Variants in EPB41L2 observed in about 807,000 individuals in gnomAD.
EPB41L2 encodes the protein erythrocyte membrane protein band 4.1 like 2, also known as band 4.1-like protein 2.
In EPB41L2, 43 loss-of-function variants were observed where a neutral mutation model predicts 113.0. The ratio of observed to expected loss-of-function variants is 0.38; its 90% CI spans 0.30 to 0.49. EPB41L2 has a LOEUF of 0.49. EPB41L2 is among the 20% of genes least tolerant of loss of function. The probability of loss-of-function intolerance (pLI) is 0.95; values close to 1 mark genes in which losing one functional copy is unlikely to be tolerated. For missense variants in EPB41L2, 1,147 were observed against 1,223.4 expected (o/e 0.94, Z 0.93); for synonymous variants, 442 against 436.7 (o/e 1.01, Z -0.15).
At chr6:130,970,758 T>C (rs1274295840) in intron 1 of EPB41L2, among the ~76,000 whole-genome samples, 1 of 152,194 alleles carries the variant, frequency 6.6e-6, no homozygotes, top group Non-Finnish European at 1.5e-5. Context: ...TAGTCCCCCT[T>C]ATCCTCGGGG....
At chr6:130,915,984 A>AC (rs1001902844) in intron 4 of EPB41L2, among the ~76,000 whole-genome samples, 8 of 152,174 alleles carry the variant, frequency 5.3e-5, no homozygotes, top group Non-Finnish European at 2.9e-5. Context: ...AGACTAATAT[A>AC]CATACCTATT....
chr6:130,854,145 T>C (rs191701102), intron 19 of EPB41L2, among the ~76,000 whole-genome samples: 3 of 152,190 alleles, frequency 2.0e-5, no homozygotes, highest in South Asian at 2.1e-4. Flanking sequence ...TATTTTGTTC[T>C]CTCATAGCAT....
At chr6:130,947,027 C>CCA (rs1554291474) in intron 3 of EPB41L2, among the ~76,000 whole-genome samples, 1 of 143,238 alleles carries the variant, frequency 7.0e-6, no homozygotes, top group Admixed American at 6.9e-5. Flanking sequence ...ACCCCCCCCC[C>CCA]AGCCCCTTAA....
chr6:130,981,111 A>G (rs1481196409), intron 1 of EPB41L2, among the ~76,000 whole-genome samples: 1 of 152,246 alleles, frequency 6.6e-6, no homozygotes, highest in African/African-American at 2.4e-5. Context: ...TAGCATTTAT[A>G]TAAACATATG....
chr6:130,913,779 G>A (rs1298581859), intron 4 of EPB41L2, among the ~76,000 whole-genome samples: 1 of 151,820 alleles, frequency 6.6e-6, no homozygotes, highest in Non-Finnish European at 1.5e-5. Context: ...CAGTTACAAA[G>A]AAATAACAAA....
At chr6:130,999,837 A>G (rs1783983645) in intron 1 of EPB41L2, among the ~76,000 whole-genome samples, 1 of 152,218 alleles carries the variant, frequency 6.6e-6, no homozygotes, top group Non-Finnish European at 1.5e-5. Flanking sequence ...TTTTAGACTG[A>G]GCTAACTGAC....
At chr6:131,032,442 G>A (rs957232138) in intron 1 of EPB41L2, among the ~76,000 whole-genome samples, 1 of 151,876 alleles carries the variant, frequency 6.6e-6, no homozygotes, top group Non-Finnish European at 1.5e-5. Context: ...TATCTCAGTG[G>A]GCCAAAGTAA....
intron 1 of EPB41L2, among the ~76,000 whole-genome samples, chr6:131,054,459 G>T (rs972083639): frequency 5.9e-5 from 9 of 152,124 alleles, no homozygotes; most frequent in Admixed American, 2.0e-4. Flanking sequence ...TACGGTCCCT[G>T]TTAGTTCCTC....
chr6:130,995,301 C>T (rs994190504), intron 1 of EPB41L2, among the ~76,000 whole-genome samples: 2 of 152,120 alleles, frequency 1.3e-5, no homozygotes, highest in Admixed American at 1.3e-4. Context: ...CACCACAGCA[C>T]TCCAGCCTGG....
chr6:130,980,726 T>C (rs1779216969), intron 1 of EPB41L2, among the ~76,000 whole-genome samples: 1 of 152,166 alleles, frequency 6.6e-6, no homozygotes, highest in Non-Finnish European at 1.5e-5. Context: ...AACGGGGCAG[T>C]TGTTTAAAAA....
chr6:130,884,406 G>A (rs1230615740), intron 12 of EPB41L2, among the ~76,000 whole-genome samples: 1 of 152,136 alleles, frequency 6.6e-6, no homozygotes, highest in Admixed American at 6.6e-5. Context: ...TTTTATCTGT[G>A]CTTACTTCCA....
In EPB41L2 at chr6:130,901,073, C is replaced by T; in HGVS notation, c.1037G>A (p.Gly346Asp). 1.2e-6 allele frequency: 2 copies of T among 1,614,116 alleles called. No homozygotes were observed. Among genetic ancestry groups the T allele is most frequent in the Non-Finnish European group, 1.7e-6 (2 of 1,180,014 alleles). The part of the protein sequence containing the change: ...LGSYTLQAEL[G>D]DYDPEEHGSI... ...GCCATGTTCTTCTGGGTCATAGTCA[C>T]CAAGTTCAGCCTGCAGGGTGTAGGA... The change falls in exon 7 of 20, where the codon GGT becomes GAT. Residue 346 changes from glycine (G) to aspartate (D), a missense_variant. By Grantham distance (94) the Gly-to-Asp change is moderately conservative (BLOSUM62 -1). Transcript: ENST00000337057.
At chr6:130,939,942 C>A (rs1163609555) in intron 3 of EPB41L2, among the ~76,000 whole-genome samples, 1 of 152,140 alleles carries the variant, frequency 6.6e-6, no homozygotes, top group African/African-American at 2.4e-5. Context: ...AGCTCTGTTC[C>A]CTACAAAATC....
intron 19 of EPB41L2, 48 bp downstream of exon 19, chr6:130,858,083 G>T: frequency 7.3e-7 from 1 of 1,373,498 alleles, no homozygotes; most frequent in Non-Finnish European, 1.0e-6. Context: ...AAGTTCAGGA[G>T]TACAGAGCAG....
chr6:130,960,995 A>G (rs1258250755), intron 1 of EPB41L2, among the ~76,000 whole-genome samples: 1 of 152,202 alleles, frequency 6.6e-6, no homozygotes, highest in Non-Finnish European at 1.5e-5. Context: ...TCAATCATCT[A>G]GTCTAATATC....
intron 1 of EPB41L2, among the ~76,000 whole-genome samples, chr6:131,056,794 G>A (rs1479845648): frequency 6.6e-6 from 1 of 152,196 alleles, no homozygotes; most frequent in Non-Finnish European, 1.5e-5. Flanking sequence ...AGGTCACAAT[G>A]GCATATGTGG....
rs373063956 is a variant in EPB41L2, at chr6:130,863,690, C to T, written c.2858G>A (p.Arg953Lys). 1 of 1,613,646 alleles carries T rather than the reference C, an allele frequency of 6.2e-7. No homozygotes were observed. The highest frequency in any genetic ancestry group is 8.5e-7 in the Non-Finnish European group (1 of 1,179,598). ...TGTGATCACAATGCGTTTCTCAATT[C>T]TTGTTTCAGAAATTCCACCTTTTAC... Reference protein sequence around the residue: ...KTVKGGISETRIEKRIVITGD... With the variant: ...KTVKGGISETKIEKRIVITGD... The change falls in exon 18 of 20, where the codon AGA (arginine) becomes AAA (lysine). Residue 953 changes from arginine (R) to lysine (K), a missense_variant. By Grantham distance (26) the Arg-to-Lys change is conservative. Transcript: ENST00000337057.
At position 130,869,905 on chromosome 6, in the gene EPB41L2, C is replaced by G; in HGVS notation, c.2265G>C (p.Glu755Asp). 1.2e-5 allele frequency: 20 copies of G among 1,612,544 alleles called. No individual in the cohort carries two copies. The highest frequency in any genetic ancestry group is 1.6e-5 in the Non-Finnish European group (19 of 1,180,014). ...SSESEEEDVG[E>D]YRPHHRVTEG... ...CGGTCACTCGGTGGTGGGGACGGTACTCTCCCACGTCTTCCTCCTCACTCT... is the reference window on the plus strand; with the variant it reads ...CGGTCACTCGGTGGTGGGGACGGTAGTCTCCCACGTCTTCCTCCTCACTCT... Residue 755 changes from glutamate (E) to aspartate (D), a missense_variant, in exon 15 of 20, where the codon GAG becomes GAC. By Grantham distance (45) the Glu-to-Asp change is conservative. Transcript: ENST00000337057.
chr6:130,893,876 C>T (rs1183871556), intron 10 of EPB41L2, among the ~76,000 whole-genome samples: 4 of 152,014 alleles, frequency 2.6e-5, no homozygotes, highest in African/African-American at 7.2e-5. Context: ...ATGAGAATAT[C>T]GAAGTGAAAC....
Sources: allele counts gnomAD v4.1 joint callset (sites outside exome capture counted in the v4.1 genomes callset), GRCh38; gene constraint gnomAD v4.1.1; transcripts MANE v1.5; gene names NCBI Gene and HGNC (gene_info 2026-07-23, HGNC 2026-07-21).